Variants in B4GALNT3 observed in about 807,000 individuals in gnomAD.
The protein encoded by B4GALNT3 is beta-1,4-N-acetyl-galactosaminyltransferase 3.
B4GALNT3 carries 86 observed loss-of-function variants against 120.2 expected under a neutral mutation model. The ratio of observed to expected loss-of-function variants is 0.72; its 90% CI spans 0.60 to 0.86. The LOEUF (loss-of-function observed/expected upper bound fraction) is 0.86. Among genes scored for constraint, B4GALNT3 ranks in the 40% least tolerant of loss-of-function variants. B4GALNT3 has a pLI of 0.00. For missense variants in B4GALNT3, 1,167 were observed against 1,298.9 expected (o/e 0.90, Z 1.56); for synonymous variants, 518 against 510.4 (o/e 1.01, Z -0.20).
chr12:505,981 T>A (rs1946493482), intron 1 of B4GALNT3, among the ~76,000 whole-genome samples: 1 of 152,234 alleles, frequency 6.6e-6, no homozygotes, highest in Non-Finnish European at 1.5e-5. Flanking sequence ...CAGGTAAGCA[T>A]CAGCTGATAC....
rs73590338 is a variant in B4GALNT3, at chr12:470,530, G to T, written c.169+9985G>T. 8.7e-3 allele frequency among the ~76,000 whole-genome samples: 1,329 copies of T among 152,304 alleles called. 18 individuals carry two copies. Among genetic ancestry groups the T allele is most frequent in the African/African-American group, 0.031 (1,280 of 41,570 alleles). On this transcript the variant is annotated intron_variant, in intron 1 of 19. Coordinates refer to ENST00000266383, the MANE Select transcript of B4GALNT3 (RefSeq NM_173593.4). ...ATGGACCAGGCACACAGCGCAATACGTACTCTCTGTCCCGGGTCTCCTTTC... is the reference window on the plus strand; with the variant it reads ...ATGGACCAGGCACACAGCGCAATACTTACTCTCTGTCCCGGGTCTCCTTTC...
intron 1 of B4GALNT3, among the ~76,000 whole-genome samples, chr12:494,536 A>C (rs1592021900): frequency 6.6e-6 from 1 of 152,278 alleles, no homozygotes; most frequent in African/African-American, 2.4e-5. Context: ...CATAGTAGTC[A>C]TGCAGGATTG....
intron 1 of B4GALNT3, among the ~76,000 whole-genome samples, chr12:497,684 G>A (rs914006360): frequency 2.6e-5 from 4 of 152,244 alleles, no homozygotes; most frequent in East Asian, 1.9e-4. Context: ...CTGGAGAACC[G>A]GCTTTGTTCA....
At chr12:560,868 G>A (rs113072855) in intron 19 of B4GALNT3, among the ~76,000 whole-genome samples, 2 of 152,198 alleles carry the variant, frequency 1.3e-5, no homozygotes, top group Admixed American at 6.5e-5. Flanking sequence ...TGCACAAAAG[G>A]CCTGGGGAGG....
At chr12:489,648 G>A (rs1418017361) in intron 1 of B4GALNT3, among the ~76,000 whole-genome samples, 1 of 152,202 alleles carries the variant, frequency 6.6e-6, no homozygotes, top group Non-Finnish European at 1.5e-5. Flanking sequence ...CGGAAGAATA[G>A]ATGAATCCAC....
chr12:560,327 A>G (rs1392040941), intron 19 of B4GALNT3, among the ~76,000 whole-genome samples: 2 of 152,108 alleles, frequency 1.3e-5, no homozygotes, highest in Non-Finnish European at 2.9e-5. Flanking sequence ...AAATGCATCC[A>G]CCAGTCACTG....
At chr12:555,918 G>A (rs1184260716) in intron 14 of B4GALNT3, among the ~76,000 whole-genome samples, 2 of 151,960 alleles carry the variant, frequency 1.3e-5, no homozygotes, top group Non-Finnish European at 1.5e-5. Context: ...TGAGTAGCTG[G>A]AACTACAGGT....
intron 1 of B4GALNT3, among the ~76,000 whole-genome samples, chr12:464,434 A>G (rs2120408375): frequency 6.6e-6 from 1 of 152,140 alleles, no homozygotes; most frequent in South Asian, 2.1e-4. Context: ...GTTCGAGACC[A>G]GCCTGGCCAA....
Position 553,360 on chromosome 12 carries a change from G to C in B4GALNT3, c.1437G>C (p.Leu479=). The change falls in exon 14 of 20, where the codon CTG becomes CTC. Residue 479 remains leucine (L), a synonymous_variant. Coordinates refer to ENST00000266383, the MANE Select transcript of B4GALNT3 (RefSeq NM_173593.4). Reference sequence around the variant, plus strand: ...GCCTCCGAAGCCTGCGGAAACTCCTGGCTCAGCCCCGGGAGGGCCTGCTGG... The same window carrying C: ...GCCTCCGAAGCCTGCGGAAACTCCTCGCTCAGCCCCGGGAGGGCCTGCTGG... ...DYRLRSLRKL[L]AQPREGLLAP... 1.2e-6 allele frequency: 2 copies of C among 1,613,794 alleles called. No individual in the cohort carries two copies. Among genetic ancestry groups the C allele is most frequent in the South Asian group, 1.1e-5 (1 of 91,086 alleles).
In B4GALNT3 at chr12:512,130, ACCTTCCACCTTCCACCTTCCGCCTTCCG is replaced by A. The variant is rs1161059757; in HGVS notation, c.170-23022_170-22995del. ...CACCTTCTTCCACCTTCGAGCTTCC[ACCTTCCACCTTCCACCTTCCGCCTTCCG>A]CCTTCCACCTTCCGCCTTCCGCCTT... On this transcript the variant is annotated intron_variant, in intron 1 of 19. Coordinates refer to ENST00000266383, the MANE Select transcript of B4GALNT3 (RefSeq NM_173593.4). Among the ~76,000 whole-genome samples the A allele has an allele frequency of 5.6e-3, 394 of 70,044 alleles. 13 individuals carry two copies. The highest frequency in any genetic ancestry group is 0.017 in the African/African-American group (226 of 13,644). The allele number at this position is 70,044 out of a possible 152,430, so 46.0% of individuals were successfully genotyped here.
intron 3 of B4GALNT3, among the ~76,000 whole-genome samples, chr12:541,850 CA>C (rs1565606771): frequency 2.2e-3 from 211 of 95,086 alleles, no homozygotes; most frequent in South Asian, 4.6e-3. Flanking sequence ...CACCCCCCCC[CA>C]CCCCCCCCCA....
At chr12:558,703 G>T in intron 18 of B4GALNT3, 42 bp downstream of exon 18, 1 of 1,600,322 alleles carries the variant, frequency 6.2e-7, no homozygotes, top group African/African-American at 1.3e-5. Flanking sequence ...AGACTTCTCT[G>T]ATCTTGGCTC....
At chr12:504,064 G>A (rs1412093716) in intron 1 of B4GALNT3, among the ~76,000 whole-genome samples, 1 of 151,460 alleles carries the variant, frequency 6.6e-6, no homozygotes. Flanking sequence ...ACAGTGAGCC[G>A]AGATCATGCC....
At chr12:545,198 T>C in intron 5 of B4GALNT3, 171 bp from the exon 6 acceptor site, 2 of 1,447,554 alleles carry the variant, frequency 1.4e-6, no homozygotes, top group Admixed American at 2.6e-5. Flanking sequence ...CATATAAGTC[T>C]TCTCCATCTT....
chr12:547,827 A>G (rs557876047), intron 7 of B4GALNT3, among the ~76,000 whole-genome samples, 197 bp from the exon 8 acceptor site: 5 of 152,312 alleles, frequency 3.3e-5, no homozygotes, highest in African/African-American at 1.2e-4. Flanking sequence ...GATTATGCCC[A>G]TCTCACCAAG....
rs140464190 is a variant in B4GALNT3, at chr12:466,348, A to G, written c.169+5803A>G. Reference sequence around the variant, plus strand: ...GAGTTTGCTTTGGAAGGGGTCCTAGAGGCTGTTCTTGGAGTTGGCCGCTCG... The same window carrying G: ...GAGTTTGCTTTGGAAGGGGTCCTAGGGGCTGTTCTTGGAGTTGGCCGCTCG... On this transcript the variant is annotated intron_variant, in intron 1 of 19. Coordinates refer to ENST00000266383, the MANE Select transcript of B4GALNT3 (RefSeq NM_173593.4). 4.7e-3 allele frequency among the ~76,000 whole-genome samples: 720 copies of G among 152,212 alleles called. 7 individuals carry two copies. The highest frequency in any genetic ancestry group is 0.017 in the African/African-American group (701 of 41,508).
intron 7 of B4GALNT3, among the ~76,000 whole-genome samples, chr12:547,010 C>T (rs1947015829): frequency 2.0e-5 from 3 of 152,236 alleles, no homozygotes; most frequent in African/African-American, 7.2e-5. Flanking sequence ...CCCCGTTTCT[C>T]CACACCCACA....
At chr12:471,717 T>TAAAAAAAA (rs1273950257) in intron 1 of B4GALNT3, among the ~76,000 whole-genome samples, 3 of 30,918 alleles carry the variant, frequency 9.7e-5, no homozygotes, top group African/African-American at 2.6e-4. Flanking sequence ...AAAATAATAA[T>TAAAAAAAA]AAAAAATAAA....
intron 6 of B4GALNT3, among the ~76,000 whole-genome samples, chr12:546,221 TG>T (rs1160192385): frequency 3.9e-5 from 1 of 25,532 alleles, no homozygotes; most frequent in Non-Finnish European, 7.5e-5. Flanking sequence ...GAGGGGGGTG[TG>T]GGAGGAGGGG....
Sources: gnomAD v4.1 joint callset for allele counts (sites outside exome capture counted in the v4.1 genomes callset) on GRCh38, gnomAD v4.1.1 for gene constraint, MANE v1.5 for transcripts, NCBI Gene and HGNC (gene_info 2026-07-23, HGNC 2026-07-21) for gene names.